The following ILDR1 variants were observed in gnomAD, a reference collection of about 807,000 sequenced individuals.
ILDR1 encodes immunoglobulin-like domain-containing receptor 1.
In ILDR1, 56 loss-of-function variants were observed where a neutral mutation model predicts 62.4. The observed-to-expected ratio is 0.90, with a 90% CI of 0.72 to 1.12. The LOEUF (loss-of-function observed/expected upper bound fraction) is 1.12. Ranked by LOEUF, ILDR1 falls within the 50% of genes most tolerant of loss-of-function variation. ILDR1 has a pLI of 0.00. For missense variants in ILDR1, 736 were observed against 710.6 expected (o/e 1.04, Z -0.41); for synonymous variants, 284 against 277.8 (o/e 1.02, Z -0.22).
chr3:122,007,141 T>C lies in ILDR1; in HGVS notation c.79A>G (p.Thr27Ala). ...LPAGCLSLLVTVQHTERYVTL... is the reference protein window; with the variant it reads ...LPAGCLSLLVAVQHTERYVTL... ...ACATAGCGTTCTGTGTGCTGGACCG[T>C]CACAAGCAAGGACAGGCACCCTAAA... is the stretch of plus-strand genomic sequence containing the variant. The change falls in exon 2 of 8, where the codon ACG (threonine) becomes GCG (alanine). Residue 27 changes from threonine to alanine, a missense_variant. Transcript: ENST00000344209. The C allele has an allele frequency of 1.2e-6, 2 of 1,614,104 alleles. No homozygotes were observed. The highest frequency in any genetic ancestry group is 1.7e-6 in the Non-Finnish European group (2 of 1,180,020).
chr3:121,998,220 T>A (rs2071466462), intron 5 of ILDR1, among the ~76,000 whole-genome samples: 1 of 152,262 alleles, frequency 6.6e-6, no homozygotes, highest in South Asian at 2.1e-4. Flanking sequence ...AGGCCACTCC[T>A]ACCAGCTTCA....
the ILDR1 span, among the ~76,000 whole-genome samples, chr3:122,046,111 C>T: frequency 2.0e-5 from 3 of 150,996 alleles, no homozygotes; most frequent in Non-Finnish European, 4.4e-5. Context: ...TAGGGCAGGC[C>T]TAGTGGTGAC....
At chr3:122,048,350 A>C in the ILDR1 span, among the ~76,000 whole-genome samples, 1 of 152,184 alleles carries the variant, frequency 6.6e-6, no homozygotes, top group African/African-American at 2.4e-5. Context: ...ATTTTATTGC[A>C]GATTTTTGCA....
chr3:122,005,676 C>T (rs1559877568), intron 2 of ILDR1, among the ~76,000 whole-genome samples: 2 of 152,116 alleles, frequency 1.3e-5, no homozygotes, highest in African/African-American at 4.8e-5. Context: ...TCCCCATCTC[C>T]TATTCCAACT....
rs1434642061 is a variant in ILDR1, at chr3:122,001,971, A to G, written c.380-107T>C. On this transcript the variant is annotated intron_variant, in intron 3 of 7. Coordinates refer to ENST00000344209, the MANE Select transcript of ILDR1 (RefSeq NM_001199799.2). ...CAGCATGGCAAGACCTTGTATTTAC[A>G]AAAAATAATAAAAAAAAAATTATCC... 3 of 1,234,976 alleles carry G rather than the reference A, an allele frequency of 2.4e-6. No homozygotes were observed. In the Admixed American group the frequency reaches 5.8e-5, roughly 24 times the overall value. The allele number at this position is 1,234,976 out of a possible 1,614,324, so 76.5% of individuals were successfully genotyped here. A position where few individuals can be genotyped will look rare whatever the true frequency, so the allele number is the denominator to read the frequency against.
At chr3:122,050,967 T>C in the ILDR1 span, among the ~76,000 whole-genome samples, 2 of 152,240 alleles carry the variant, frequency 1.3e-5, no homozygotes, top group Non-Finnish European at 2.9e-5. Context: ...TCCCATTCCC[T>C]TTTGTCCTTC....
At chr3:122,047,689 G>C in the ILDR1 span, among the ~76,000 whole-genome samples, 2 of 152,122 alleles carry the variant, frequency 1.3e-5, no homozygotes, top group South Asian at 2.1e-4. Context: ...AGGTGCGTCT[G>C]TCACCCCTTT....
chr3:122,009,286 A>T (rs1576729969), intron 1 of ILDR1, among the ~76,000 whole-genome samples: 1 of 148,530 alleles, frequency 6.7e-6, no homozygotes, highest in South Asian at 2.1e-4. Flanking sequence ...TGCTCTAAGG[A>T]CCATACTCTG....
chr3:121,991,637 G>C (rs868121939), intron 7 of ILDR1, among the ~76,000 whole-genome samples: 3 of 152,170 alleles, frequency 2.0e-5, no homozygotes, highest in Admixed American at 6.5e-5. Flanking sequence ...TCACTATTTT[G>C]TTGATCCTTG....
chr3:122,029,100 ATGT>A, the ILDR1 span, among the ~76,000 whole-genome samples: 6 of 152,232 alleles, frequency 3.9e-5, no homozygotes, highest in African/African-American at 9.6e-5. Context: ...TAAAAATATA[ATGT>A]TGTGTGAATA....
At chr3:121,997,699 G>C (rs1470022536) in intron 5 of ILDR1, among the ~76,000 whole-genome samples, 1 of 152,196 alleles carries the variant, frequency 6.6e-6, no homozygotes, top group Non-Finnish European at 1.5e-5. Flanking sequence ...AGAGATCAGA[G>C]AGTCTCACTG....
intron 1 of ILDR1, among the ~76,000 whole-genome samples, chr3:122,018,849 C>A (rs1468649025): frequency 6.6e-6 from 1 of 152,196 alleles, no homozygotes; most frequent in Non-Finnish European, 1.5e-5. Context: ...TACCCCCTCA[C>A]CCTGAGATAT....
At chr3:122,054,917 C>T in the ILDR1 span, among the ~76,000 whole-genome samples, 21 of 152,174 alleles carry the variant, frequency 1.4e-4, no homozygotes, top group Admixed American at 6.5e-4. Flanking sequence ...TTATGCAGTC[C>T]TTACAGAACA....
the ILDR1 span, among the ~76,000 whole-genome samples, chr3:122,057,367 G>A: frequency 5.3e-5 from 8 of 152,186 alleles, no homozygotes; most frequent in East Asian, 1.5e-3. Flanking sequence ...AAAAACAAGT[G>A]ATTGGATGAT....
chr3:121,995,947 C>T (rs1026035057), intron 5 of ILDR1, among the ~76,000 whole-genome samples: 11 of 152,124 alleles, frequency 7.2e-5, no homozygotes, highest in South Asian at 2.1e-4. Flanking sequence ...CTTTGTGTGC[C>T]GCACCGCCAA....
chr3:121,993,772 T>C lies in ILDR1; in HGVS notation c.977A>G (p.Glu326Gly), dbSNP rs2071394464. 1.9e-6 allele frequency: 3 copies of C among 1,614,054 alleles called. No individual in the cohort carries two copies. The highest frequency in any genetic ancestry group is 1.3e-5 in the African/African-American group (1 of 74,920). ...TGGGGGCAGGTGGATGATTCTGCGT[T>C]CCACGACCTCAGAGCCCAGGGAGGA... ...MLSSLGSEVV[E>G]RRIIHLPPLI... Residue 326 changes from glutamate (E) to glycine (G), a missense_variant, in exon 7 of 8, where the codon GAA becomes GGA. Transcript: ENST00000344209.
the ILDR1 span, among the ~76,000 whole-genome samples, chr3:122,053,283 T>G: frequency 6.6e-6 from 1 of 152,166 alleles, no homozygotes; most frequent in Non-Finnish European, 1.5e-5. Context: ...GTTCAACTCT[T>G]TTGCCTACTT....
In ILDR1 at chr3:121,988,329, C is replaced by A; in HGVS notation, c.*38G>T. On this transcript the variant is annotated 3_prime_UTR_variant, in exon 8 of 8. Coordinates refer to ENST00000344209, the MANE Select transcript of ILDR1 (RefSeq NM_001199799.2). ...AGGTGATGCTGATGACACACAGGAG[C>A]CGAGAAGTAGCCACAGAAGTTGTGC... is the stretch of plus-strand genomic sequence containing the variant. 6.3e-7 allele frequency: 1 copy of A among 1,586,742 alleles called. No homozygotes were observed.
chr3:122,047,310 T>G, the ILDR1 span, among the ~76,000 whole-genome samples: 7 of 152,320 alleles, frequency 4.6e-5, no homozygotes, highest in East Asian at 7.7e-4. Flanking sequence ...GGAGAACCAC[T>G]GCTCTCTTCA....
Sources: allele counts gnomAD v4.1 joint callset (sites outside exome capture counted in the v4.1 genomes callset), GRCh38; gene constraint gnomAD v4.1.1; transcripts MANE v1.5; gene names NCBI Gene and HGNC (gene_info 2026-07-23, HGNC 2026-07-21).